ZMAT4: variants seen among roughly 807,000 people sequenced by gnomAD.
ZMAT4 encodes the protein zinc finger matrin-type 4.
In ZMAT4, 17 loss-of-function variants were observed where a neutral mutation model predicts 28.7. That is an observed-to-expected ratio of 0.59 (90% confidence interval 0.41 to 0.89). The LOEUF is 0.89. ZMAT4 is among the 40% of genes least tolerant of loss of function. The pLI, the probability that ZMAT4 is intolerant of heterozygous loss-of-function variation, is 0.00. For missense variants in ZMAT4, 240 were observed against 283.8 expected, an observed-to-expected ratio of 0.85 and a Z score of 1.11; for synonymous variants, 117 against 109.2, an observed-to-expected ratio of 1.07 and a Z score of -0.44.
chr8:40,651,590 A>G (rs1807652813), intron 5 of ZMAT4, among the ~76,000 whole-genome samples: 1 of 148,450 alleles, frequency 6.7e-6, no homozygotes, highest in Non-Finnish European at 1.5e-5. Flanking sequence ...TAAAGTTCAT[A>G]TGGAACCAAA....
At chr8:40,789,178 C>T (rs1462992709) in intron 2 of ZMAT4, among the ~76,000 whole-genome samples, 1 of 152,054 alleles carries the variant, frequency 6.6e-6, no homozygotes, top group African/African-American at 2.4e-5. Flanking sequence ...GTGTGAGAAA[C>T]TCAAACATAA....
intron 5 of ZMAT4, among the ~76,000 whole-genome samples, chr8:40,670,731 A>G (rs1808630403): frequency 6.6e-6 from 1 of 152,204 alleles, no homozygotes; most frequent in African/African-American, 2.4e-5. Flanking sequence ...ATAAACAGAC[A>G]CTTCACAAAG....
intron 6 of ZMAT4, among the ~76,000 whole-genome samples, chr8:40,553,875 C>A (rs1307601880): frequency 6.6e-6 from 1 of 152,118 alleles, no homozygotes; most frequent in Non-Finnish European, 1.5e-5. Flanking sequence ...TGCCAAGGAG[C>A]ACACCAGGTA....
chr8:40,609,980 G>A (rs1485208622), intron 5 of ZMAT4, among the ~76,000 whole-genome samples: 1 of 152,160 alleles, frequency 6.6e-6, no homozygotes, highest in African/African-American at 2.4e-5. Context: ...CAGTGCCAAG[G>A]TAAGACAGCA....
chr8:40,601,258 C>T (rs1361969669), intron 5 of ZMAT4, among the ~76,000 whole-genome samples: 1 of 151,098 alleles, frequency 6.6e-6, no homozygotes, highest in African/African-American at 2.4e-5. Flanking sequence ...ATTTTTTTTT[C>T]CACTTTAACA....
chr8:40,800,378 T>G (rs1814786723), intron 2 of ZMAT4, among the ~76,000 whole-genome samples: 1 of 152,078 alleles, frequency 6.6e-6, no homozygotes, highest in Admixed American at 6.6e-5. Flanking sequence ...CACAACACCA[T>G]TAATCAATGG....
At chr8:40,794,671 C>G (rs1814507614) in intron 2 of ZMAT4, among the ~76,000 whole-genome samples, 1 of 152,164 alleles carries the variant, frequency 6.6e-6, no homozygotes, top group South Asian at 2.1e-4. Context: ...TGCTGTGAGA[C>G]ACACACAGTC....
intron 1 of ZMAT4, among the ~76,000 whole-genome samples, chr8:40,848,794 T>G (rs192147680): frequency 7.2e-5 from 11 of 152,362 alleles, no homozygotes; most frequent in Admixed American, 6.5e-4. Flanking sequence ...ATACCAGTAC[T>G]GTTACTCAGG....
intron 6 of ZMAT4, among the ~76,000 whole-genome samples, chr8:40,537,635 G>T (rs1169685946): frequency 2.0e-5 from 3 of 152,184 alleles, no homozygotes; most frequent in Admixed American, 2.0e-4. Flanking sequence ...ATTCCCTTAA[G>T]AAGGCAAATA....
intron 6 of ZMAT4, among the ~76,000 whole-genome samples, chr8:40,572,120 G>A (rs1804118534): frequency 6.6e-6 from 1 of 152,066 alleles, no homozygotes; most frequent in Non-Finnish European, 1.5e-5. Flanking sequence ...TGTGGTTCAT[G>A]TATCTTACAA....
chr8:40,684,994 A>G (rs1809336450), intron 4 of ZMAT4, among the ~76,000 whole-genome samples: 1 of 152,150 alleles, frequency 6.6e-6, no homozygotes, highest in African/African-American at 2.4e-5. Context: ...TTAATAACCT[A>G]TGGTTTGCAA....
At chr8:40,802,194 G>A (rs1020322699) in intron 2 of ZMAT4, among the ~76,000 whole-genome samples, 10 of 152,196 alleles carry the variant, frequency 6.6e-5, no homozygotes, top group Non-Finnish European at 1.3e-4. Context: ...TCTCACCACT[G>A]CTTTTCAGCA....
At chr8:40,850,629 T>A (rs1471654733) in intron 1 of ZMAT4, among the ~76,000 whole-genome samples, 1 of 152,176 alleles carries the variant, frequency 6.6e-6, no homozygotes, top group Non-Finnish European at 1.5e-5. Flanking sequence ...CTAAATGAAG[T>A]GCTTTATCTA....
intron 2 of ZMAT4, among the ~76,000 whole-genome samples, chr8:40,770,173 C>A (rs544227597): frequency 6.6e-6 from 1 of 152,268 alleles, no homozygotes; most frequent in South Asian, 2.1e-4. Context: ...CATTATTTAG[C>A]AGCATTCCTT....
At chr8:40,871,675 A>C (rs1817861712) in intron 1 of ZMAT4, among the ~76,000 whole-genome samples, 4 of 152,172 alleles carry the variant, frequency 2.6e-5, no homozygotes, top group African/African-American at 9.7e-5. Context: ...AAGAGGAATA[A>C]GACAACCCAC....
intron 1 of ZMAT4, among the ~76,000 whole-genome samples, chr8:40,890,467 C>T (rs1047900419): frequency 5.9e-5 from 9 of 152,082 alleles, no homozygotes; most frequent in African/African-American, 1.9e-4. Context: ...GTCAAAGTAT[C>T]GGCTTCTGAT....
At chr8:40,547,296 C>T (rs1344894100) in intron 6 of ZMAT4, among the ~76,000 whole-genome samples, 1 of 152,282 alleles carries the variant, frequency 6.6e-6, no homozygotes, top group South Asian at 2.1e-4. Context: ...TGTTTGTTTC[C>T]TCTCTAGACC....
chr8:40,826,045 G>A (rs1816027055), intron 1 of ZMAT4, among the ~76,000 whole-genome samples: 1 of 152,180 alleles, frequency 6.6e-6, no homozygotes, highest in Non-Finnish European at 1.5e-5. Flanking sequence ...CATCACTTGA[G>A]GCCAAGAGTT....
intron 5 of ZMAT4, among the ~76,000 whole-genome samples, chr8:40,658,229 A>G (rs770819260): frequency 4.6e-5 from 7 of 152,188 alleles, no homozygotes; most frequent in Non-Finnish European, 7.3e-5. Flanking sequence ...TAGCTGGATT[A>G]TCTCAGTATT....
Sources: gnomAD v4.1 joint callset for allele counts (sites outside exome capture counted in the v4.1 genomes callset) on GRCh38, gnomAD v4.1.1 for gene constraint, MANE v1.5 for transcripts, NCBI Gene and HGNC (gene_info 2026-07-23, HGNC 2026-07-21) for gene names.